CYP2J2: variants seen among roughly 807,000 people sequenced by gnomAD.
CYP2J2 encodes cytochrome P450 2J2.
Under a neutral mutation model 48.8 loss-of-function variants are expected in CYP2J2, and 41 were observed. That is an observed-to-expected ratio of 0.84 (90% CI 0.66 to 1.09). The LOEUF (loss-of-function observed/expected upper bound fraction) is 1.09. Ranked by LOEUF, CYP2J2 falls within the 50% of genes least tolerant of loss-of-function variation. The pLI, the probability that CYP2J2 is intolerant of heterozygous loss-of-function variation, is 0.00. For missense variants in CYP2J2, 644 were observed against 617.3 expected, an observed-to-expected ratio of 1.04 and a Z score of -0.46; for synonymous variants, 221 against 227.1, an observed-to-expected ratio of 0.97 and a Z score of 0.24.
At chr1:59,947,416 C>T in the CYP2J2 span, among the ~76,000 whole-genome samples, 1 of 152,158 alleles carries the variant, frequency 6.6e-6, no homozygotes, top group African/African-American at 2.4e-5. Flanking sequence ...CAATATAAAA[C>T]AGCACCCAAG....
intron 8 of CYP2J2, among the ~76,000 whole-genome samples, chr1:59,894,286 TCTTTTCC>T (rs1351832893): frequency 2.6e-5 from 4 of 152,214 alleles, no homozygotes; most frequent in African/African-American, 9.6e-5. Context: ...GTATAAGTCA[TCTTTTCC>T]CTGTGCCACT....
At chr1:59,923,873 T>C (rs1644538902) in intron 1 of CYP2J2, among the ~76,000 whole-genome samples, 2 of 152,146 alleles carry the variant, frequency 1.3e-5, no homozygotes, top group African/African-American at 4.8e-5. Context: ...GGAAAAAGAA[T>C]GTGTAGTTGA....
At chr1:59,905,844 T>G (rs574361102) in intron 6 of CYP2J2, among the ~76,000 whole-genome samples, 1 of 152,324 alleles carries the variant, frequency 6.6e-6, no homozygotes, top group Non-Finnish European at 1.5e-5. Flanking sequence ...GTAGCAGCCT[T>G]ATCTCTTTTC....
At chr1:59,913,181 G>T (rs11572254) in intron 2 of CYP2J2, 33,367 of 151,920 alleles carry the variant, frequency 0.22, 3,717 homozygotes, top group African/African-American at 0.25. Flanking sequence ...CCAGATTTTC[G>T]TCCTAATTCT....
the CYP2J2 span, among the ~76,000 whole-genome samples, chr1:59,936,234 G>A: frequency 6.6e-6 from 1 of 152,212 alleles, no homozygotes; most frequent in Non-Finnish European, 1.5e-5. Context: ...ACTGAAGTTT[G>A]TGTATTTGAA....
Position 59,915,940 on chromosome 1 carries a change from T to C in CYP2J2, c.371A>G (p.Asn124Ser), listed in dbSNP as rs2228113. 1,351 of 1,611,902 alleles carry C rather than the reference T, an allele frequency of 8.4e-4. 11 individuals carry two copies. The African/African-American group carries it at 0.016, about 19-fold the overall frequency. Reference protein sequence around the residue: ...TPMREHIFKKNGLIMSSGQAW... With the variant: ...TPMREHIFKKSGLIMSSGQAW... ...CTTTCGTTGGCCAAGAAACTTACCA[T>C]TTTTCTTAAAGATATGTTCTCGCAT... The change falls in exon 2 of 9, where the codon AAT becomes AGT. Residue 124 changes from asparagine to serine, a missense_variant and splice_region_variant. Coordinates refer to ENST00000371204, the MANE Select transcript of CYP2J2 (RefSeq NM_000775.4).
chr1:59,910,177 C>T (rs905034724), intron 4 of CYP2J2, among the ~76,000 whole-genome samples: 5 of 151,788 alleles, frequency 3.3e-5, no homozygotes, highest in African/African-American at 1.2e-4. Flanking sequence ...ACCACCGCAA[C>T]AGCTTGCCAC....
chr1:59,958,779 A>G, the CYP2J2 span, among the ~76,000 whole-genome samples: 642 of 152,276 alleles, frequency 4.2e-3, 12 homozygotes, highest in East Asian at 0.018. Flanking sequence ...CTGATCTTCT[A>G]TTCATGTTAG....
At chr1:59,968,423 G>A in the CYP2J2 span, among the ~76,000 whole-genome samples, 1 of 151,942 alleles carries the variant, frequency 6.6e-6, no homozygotes, top group Non-Finnish European at 1.5e-5. Flanking sequence ...CTAAGTACCT[G>A]GACCCTCATG....
chr1:59,931,787 C>T, the CYP2J2 span, among the ~76,000 whole-genome samples: 1 of 151,896 alleles, frequency 6.6e-6, no homozygotes, highest in South Asian at 2.1e-4. Flanking sequence ...AAATTATATA[C>T]CAAAAATTTA....
chr1:59,914,239 G>C (rs1644444336), intron 2 of CYP2J2, among the ~76,000 whole-genome samples: 1 of 152,042 alleles, frequency 6.6e-6, no homozygotes, highest in African/African-American at 2.4e-5. Context: ...CTATTCTTCT[G>C]ACTGTTCCAT....
the CYP2J2 span, among the ~76,000 whole-genome samples, chr1:59,935,383 G>A: frequency 9.2e-5 from 14 of 152,126 alleles, no homozygotes; most frequent in East Asian, 2.7e-3. Context: ...TTGGTTAAGA[G>A]GGTAGATCTT....
chr1:59,929,592 G>A (rs756048656), upstream of CYP2J2, among the ~76,000 whole-genome samples: 11 of 152,142 alleles, frequency 7.2e-5, no homozygotes, highest in Non-Finnish European at 1.2e-4. Context: ...TAAAAAAGTG[G>A]AATTTTGAAT....
the CYP2J2 span, among the ~76,000 whole-genome samples, chr1:59,957,072 A>T: frequency 6.6e-6 from 1 of 152,184 alleles, no homozygotes; most frequent in Non-Finnish European, 1.5e-5. Flanking sequence ...AGAGCCCCCC[A>T]CTTGGGTGCT....
the CYP2J2 span, among the ~76,000 whole-genome samples, chr1:59,935,009 T>TACAC: frequency 7.5e-5 from 3 of 39,940 alleles, no homozygotes; most frequent in African/African-American, 4.2e-4. Context: ...TATATATATA[T>TACAC]ATATACATAT....
chr1:59,945,894 T>A, the CYP2J2 span, among the ~76,000 whole-genome samples: 16 of 152,208 alleles, frequency 1.1e-4, no homozygotes, highest in Non-Finnish European at 7.4e-5. Flanking sequence ...ACCTTGTGTA[T>A]CTATCCAGAA....
the CYP2J2 span, among the ~76,000 whole-genome samples, chr1:59,935,425 G>A: frequency 6.6e-6 from 1 of 152,088 alleles, no homozygotes; most frequent in Non-Finnish European, 1.5e-5. Context: ...GCACATGCAT[G>A]TAACTATATG....
At chr1:59,965,263 T>C in the CYP2J2 span, among the ~76,000 whole-genome samples, 1 of 152,102 alleles carries the variant, frequency 6.6e-6, no homozygotes, top group Non-Finnish European at 1.5e-5. Context: ...ATGCCTGCAA[T>C]TGACAGGAGA....
the CYP2J2 span, among the ~76,000 whole-genome samples, chr1:59,935,414 T>A: frequency 6.6e-6 from 1 of 151,836 alleles, no homozygotes; most frequent in Admixed American, 6.6e-5. Context: ...ACCACACACA[T>A]GCACATGCAT....
Sources: gnomAD v4.1 joint callset for allele counts (sites outside exome capture counted in the v4.1 genomes callset) on GRCh38, gnomAD v4.1.1 for gene constraint, MANE v1.5 for transcripts, NCBI Gene and HGNC (gene_info 2026-07-23, HGNC 2026-07-21) for gene names.